Variants in SPEF2 observed in about 807,000 individuals in gnomAD.
SPEF2 encodes the protein sperm flagellar and cilia associated 2.
SPEF2 carries 187 observed loss-of-function variants against 224.6 expected under a neutral mutation model. That is an observed-to-expected ratio of 0.83 (90% confidence interval 0.74 to 0.94). The LOEUF (loss-of-function observed/expected upper bound fraction) is 0.94, where lower values mean the gene tolerates loss of function less well. SPEF2 is among the 40% of genes least tolerant of loss of function. The pLI is 0.00. For synonymous variants in SPEF2, 715 were observed against 707.3 expected, an observed-to-expected ratio of 1.01 and a Z score of -0.17; for missense variants, 2,170 against 2,135.6, an observed-to-expected ratio of 1.02 and a Z score of -0.32.
intron 28 of SPEF2, among the ~76,000 whole-genome samples, chr5:35,775,888 G>A (rs1753552304): frequency 6.6e-6 from 1 of 152,132 alleles, no homozygotes; most frequent in African/African-American, 2.4e-5. Context: ...GTGGTGCTGA[G>A]AAATACAATG....
chr5:35,807,327 A>C, intron 36 of SPEF2, 74 bp downstream of exon 36: 1 of 1,534,780 alleles, frequency 6.5e-7, no homozygotes, highest in Non-Finnish European at 8.7e-7. Flanking sequence ...TCTAAATGTG[A>C]GCTGGCATGG....
chr5:35,658,932 C>T, intron 7 of SPEF2, 87 bp from the exon 8 acceptor site: 1 of 1,010,566 alleles, frequency 9.9e-7, no homozygotes, highest in Non-Finnish European at 1.4e-6. Context: ...AACATTATGC[C>T]TTTTGTATAT....
chr5:35,725,959 T>G (rs541855973), intron 20 of SPEF2, among the ~76,000 whole-genome samples: 1 of 152,190 alleles, frequency 6.6e-6, no homozygotes, highest in Admixed American at 6.5e-5. Flanking sequence ...GAGGACTCAA[T>G]GATCCAACTC....
At chr5:35,638,915 T>C (rs1746203602) in intron 2 of SPEF2, among the ~76,000 whole-genome samples, 3 of 152,204 alleles carry the variant, frequency 2.0e-5, no homozygotes, top group Non-Finnish European at 4.4e-5. Flanking sequence ...AGGACCATCC[T>C]GACCAGATCG....
intron 14 of SPEF2, 139 bp from the exon 15 acceptor site, chr5:35,697,551 C>A: frequency 1.6e-6 from 1 of 611,520 alleles, no homozygotes; most frequent in Non-Finnish European, 2.8e-6. Flanking sequence ...TCCTGAAATG[C>A]TTCCCTGACT....
chr5:35,691,895 G>A (rs1189003764), intron 11 of SPEF2, among the ~76,000 whole-genome samples: 1 of 152,008 alleles, frequency 6.6e-6, no homozygotes, highest in East Asian at 2.0e-4. Flanking sequence ...TGCTTCCCGG[G>A]TTCAAGCGAT....
At chr5:35,810,865 T>C (rs556858635) in intron 36 of SPEF2, among the ~76,000 whole-genome samples, 1 of 152,146 alleles carries the variant, frequency 6.6e-6, no homozygotes. Context: ...CTCTAAGATA[T>C]ACCTGAGTCA....
intron 1 of SPEF2, among the ~76,000 whole-genome samples, chr5:35,621,638 T>C (rs763793354): frequency 2.0e-5 from 3 of 152,212 alleles, no homozygotes; most frequent in Non-Finnish European, 4.4e-5. Flanking sequence ...CATAACCTAA[T>C]TCCTAGATGG....
chr5:35,706,501 T>A (rs1410058296), intron 18 of SPEF2, among the ~76,000 whole-genome samples: 3 of 152,056 alleles, frequency 2.0e-5, no homozygotes, highest in African/African-American at 7.2e-5. Context: ...CCATTGGGAT[T>A]TTGCCTTGAG....
chr5:35,805,793 C>T (rs2149870587), intron 34 of SPEF2, among the ~76,000 whole-genome samples: 1 of 152,222 alleles, frequency 6.6e-6, no homozygotes, highest in East Asian at 1.9e-4. Context: ...AGCAAACTGT[C>T]CTACTGCATG....
rs753032763 is a variant in SPEF2 at position 35,641,492 on chromosome 5, G to A, written c.223G>A (p.Val75Met). ...RLEPTLNLLG[V>M]QFDQNVAHGI... is the part of the protein sequence containing the mutation. ...GGAGCCAACACTTAACCTTCTGGGT[G>A]TGCAGTTTGATCAGAATGTGGCCCA... Residue 75 changes from valine to methionine, a missense_variant, in exon 3 of 37, where the codon GTG (valine) becomes ATG (methionine). Coordinates refer to ENST00000356031, the MANE Select transcript of SPEF2 (RefSeq NM_024867.4). 1 of 1,613,816 alleles carries A rather than the reference G, an allele frequency of 6.2e-7. No individual in the cohort carries two copies. Among genetic ancestry groups the A allele is most frequent in the Non-Finnish European group, 8.5e-7 (1 of 1,179,836 alleles).
intron 32 of SPEF2, among the ~76,000 whole-genome samples, chr5:35,795,394 C>T (rs557747365): frequency 2.0e-5 from 3 of 152,290 alleles, no homozygotes; most frequent in South Asian, 2.1e-4. Context: ...CGTCATCACA[C>T]GATCCAATCG....
chr5:35,624,616 T>C (rs1743974164), intron 1 of SPEF2, among the ~76,000 whole-genome samples: 1 of 152,082 alleles, frequency 6.6e-6, no homozygotes, highest in Non-Finnish European at 1.5e-5. Context: ...TCTCAATCTC[T>C]CTCTCTCTCT....
At chr5:35,740,393 T>C in intron 23 of SPEF2, 126 bp downstream of exon 23, 2 of 1,249,560 alleles carry the variant, frequency 1.6e-6, no homozygotes, top group East Asian at 2.4e-5. Flanking sequence ...GTTTGAACTA[T>C]TAACCAGGTA....
At chr5:35,788,875 T>C in intron 30 of SPEF2, 1 of 702,990 alleles carries the variant, frequency 1.4e-6, no homozygotes, top group Middle Eastern at 2.3e-4. Flanking sequence ...ACAATTCTCC[T>C]CTTCATAAGA....
At position 35,641,441 on chromosome 5, in the gene SPEF2, G is replaced by A. The variant is rs570062531; in HGVS notation, c.172G>A (p.Ala58Thr). 2 of 1,612,588 alleles carry A rather than the reference G, an allele frequency of 1.2e-6. No individual in the cohort carries two copies. Among genetic ancestry groups the A allele is most frequent in the South Asian group, 2.2e-5 (2 of 90,724 alleles). Residue 58 changes from alanine to threonine, a missense_variant, in exon 3 of 37, where the codon GCC (alanine) becomes ACC (threonine). Physicochemically the swap from Ala to Thr is moderately conservative, Grantham distance 58. Coordinates refer to ENST00000356031, the MANE Select transcript of SPEF2 (RefSeq NM_024867.4). ...TATTTTACTGTCCAGGGTTTCAAGT[G>A]CCAAACTTAATAATTTTTCTCGCTT... Reference protein sequence around the residue: ...SEFLDSRVSSAKLNNFSRLEP... With the variant: ...SEFLDSRVSSTKLNNFSRLEP...
In SPEF2 at chr5:35,708,928, T is replaced by C; in HGVS notation, c.2666-20T>C. On this transcript the variant is annotated intron_variant, in intron 18 of 36. Transcript: ENST00000356031. Reference sequence around the variant, plus strand: ...TTCTAGAGTCTCTAATGAAGGTCAATTCTTATCATCCTTTTGAAGTTGAGA... The same window carrying C: ...TTCTAGAGTCTCTAATGAAGGTCAACTCTTATCATCCTTTTGAAGTTGAGA... The C allele has an allele frequency of 6.3e-7, 1 of 1,596,704 alleles. No homozygotes were observed. Among genetic ancestry groups the C allele is most frequent in the East Asian group, 2.2e-5 (1 of 44,794 alleles).
In SPEF2 at chr5:35,774,002, T is replaced by C. The variant is rs1018961985; in HGVS notation, c.4059T>C (p.Leu1353=). 2.5e-6 allele frequency: 4 copies of C among 1,612,670 alleles called. No homozygotes were observed. Among genetic ancestry groups the C allele is most frequent in the Non-Finnish European group, 2.5e-6 (3 of 1,179,396 alleles). ...GGGTCAAAATAAAAGAAGAACACCT[T>C]GCTGCCTTGCAATTTGAAGGTAGCG... ...ELRVKIKEEH[L]AALQFEEIAT... The change falls in exon 28 of 37, where the codon CTT becomes CTC. Residue 1353 remains leucine (L), a synonymous_variant. Coordinates refer to ENST00000356031, the MANE Select transcript of SPEF2 (RefSeq NM_024867.4).
At chr5:35,772,056 G>A (rs1752931401) in intron 27 of SPEF2, among the ~76,000 whole-genome samples, 1 of 152,190 alleles carries the variant, frequency 6.6e-6, no homozygotes. Context: ...AAAAGTCTGT[G>A]CAGAAAGGCT....
Sources: allele counts gnomAD v4.1 joint callset (sites outside exome capture counted in the v4.1 genomes callset), GRCh38; gene constraint gnomAD v4.1.1; transcripts MANE v1.5; gene names NCBI Gene and HGNC (gene_info 2026-07-23, HGNC 2026-07-21).